MSI2: variants seen among roughly 807,000 people sequenced by gnomAD.
The protein encoded by MSI2 is RNA-binding protein Musashi homolog 2.
Under a neutral mutation model 45.6 loss-of-function variants are expected in MSI2, and 17 were observed. The ratio of observed to expected loss-of-function variants is 0.37; its 90% CI spans 0.26 to 0.56. MSI2 has a LOEUF of 0.56. MSI2 is among the 20% of genes least tolerant of loss of function. MSI2 has a pLI of 0.77. For missense variants in MSI2, 293 were observed against 444.2 expected (o/e 0.66, Z 3.06); for synonymous variants, 156 against 158.2 (o/e 0.99, Z 0.11).
At chr17:57,685,311 C>T (rs1913849742), downstream of MSI2, among the ~76,000 whole-genome samples, 1 of 152,176 alleles carries the variant, frequency 6.6e-6, no homozygotes, top group South Asian at 2.1e-4. Context: ...ATGACGGCTA[C>T]AGCATGCTCT....
At chr17:57,477,432 G>T (rs761179871) in intron 6 of MSI2, among the ~76,000 whole-genome samples, 13 of 152,146 alleles carry the variant, frequency 8.5e-5, no homozygotes, top group Non-Finnish European at 1.5e-4. Context: ...GCCCTGCGCT[G>T]CTCCTGAAAT....
At chr17:57,650,257 C>G (rs931320088) in intron 10 of MSI2, among the ~76,000 whole-genome samples, 3 of 152,060 alleles carry the variant, frequency 2.0e-5, no homozygotes. Context: ...CAAGGAAACC[C>G]GCTGTTTTCA....
intron 5 of MSI2, among the ~76,000 whole-genome samples, chr17:57,353,050 G>A (rs547660322): frequency 2.4e-4 from 37 of 152,252 alleles, no homozygotes; most frequent in Admixed American, 7.2e-4. Context: ...CCACTGTGAC[G>A]CCTTTTATTT....
intron 9 of MSI2, among the ~76,000 whole-genome samples, chr17:57,623,595 T>G (rs7342828): frequency 0.61 from 93,054 of 152,072 alleles, 28,724 homozygotes; most frequent in Non-Finnish European, 0.65. Flanking sequence ...GATTTTTTTT[T>G]ACTTTAGTGA....
intron 6 of MSI2, among the ~76,000 whole-genome samples, chr17:57,426,147 T>A (rs1437035495): frequency 1.3e-5 from 2 of 152,214 alleles, no homozygotes; most frequent in South Asian, 2.1e-4. Context: ...GATTGTCATC[T>A]TGAAACAAAA....
At chr17:57,542,310 T>C (rs1284176767) in intron 7 of MSI2, among the ~76,000 whole-genome samples, 4 of 152,210 alleles carry the variant, frequency 2.6e-5, no homozygotes, top group Non-Finnish European at 5.9e-5. Context: ...TTCCCTTACG[T>C]TCTTCTAGTT....
chr17:57,458,642 T>C (rs1489540881), intron 6 of MSI2, among the ~76,000 whole-genome samples: 1 of 152,184 alleles, frequency 6.6e-6, no homozygotes, highest in Non-Finnish European at 1.5e-5. Context: ...TAATACTCTC[T>C]GTGTTCCATG....
intron 5 of MSI2, among the ~76,000 whole-genome samples, chr17:57,281,337 A>G (rs1262050312): frequency 6.6e-6 from 1 of 152,184 alleles, no homozygotes; most frequent in Non-Finnish European, 1.5e-5. Context: ...TCACCAGCCA[A>G]TTCTGAGCTC....
At chr17:57,562,809 G>A (rs2087612259) in intron 7 of MSI2, among the ~76,000 whole-genome samples, 2 of 151,906 alleles carry the variant, frequency 1.3e-5, no homozygotes, top group African/African-American at 4.8e-5. Flanking sequence ...TTTTAAAAAT[G>A]CGTACAGGCC....
chr17:57,428,749 A>G (rs1398658210), intron 6 of MSI2, among the ~76,000 whole-genome samples: 2 of 152,118 alleles, frequency 1.3e-5, no homozygotes, highest in Non-Finnish European at 2.9e-5. Context: ...CTACTTTACC[A>G]TGAAGCTGAA....
chr17:57,368,522 T>A (rs774447756), intron 5 of MSI2, among the ~76,000 whole-genome samples: 3 of 152,056 alleles, frequency 2.0e-5, no homozygotes, highest in Non-Finnish European at 2.9e-5. Context: ...ACCACTGTGC[T>A]CCCACCTGGG....
At chr17:57,594,756 A>G (rs978364595) in intron 7 of MSI2, among the ~76,000 whole-genome samples, 6 of 152,212 alleles carry the variant, frequency 3.9e-5, no homozygotes, top group Non-Finnish European at 7.3e-5. Flanking sequence ...TGTCTGCTTC[A>G]GGCCTCTGAG....
intron 6 of MSI2, among the ~76,000 whole-genome samples, chr17:57,473,698 G>T (rs1378153980): frequency 6.6e-6 from 1 of 152,152 alleles, no homozygotes; most frequent in African/African-American, 2.4e-5. Flanking sequence ...GGGGCTCTTC[G>T]AGAACAGAGG....
chr17:57,676,922 C>T, intron 12 of MSI2, 65 bp from the exon 13 acceptor site: 1 of 1,067,820 alleles, frequency 9.4e-7, no homozygotes, highest in South Asian at 1.2e-5. Context: ...ATTTCCTTTC[C>T]CAGAATATGA....
At chr17:57,391,031 C>G (rs147291801) in intron 5 of MSI2, among the ~76,000 whole-genome samples, 106 of 152,290 alleles carry the variant, frequency 7.0e-4, no homozygotes, top group African/African-American at 2.4e-3. Flanking sequence ...AACCATTTTC[C>G]CTGGTAGTTG....
In MSI2 at chr17:57,596,611, T is replaced by G. The variant is rs1347178254; in HGVS notation, c.455-257T>G. Among the ~76,000 whole-genome samples, 9 of 152,242 alleles carry G rather than the reference T, an allele frequency of 5.9e-5. No individual in the cohort carries two copies. The highest frequency in any genetic ancestry group is 5.9e-4 in the Admixed American group (9 of 15,288). ...ATAACAGACAAGTAAATTTCTTGTT[T>G]GCTTCGGGGCAAATGTAAACCACAC... On this transcript the variant is annotated intron_variant, in intron 7 of 13. Coordinates refer to ENST00000284073, the MANE Select transcript of MSI2 (RefSeq NM_138962.4). This position sits in a 1 kb window ranked among gnomAD's most constrained non-coding sequence, Gnocchi z 4.6.
At chr17:57,377,199 C>T (rs1036588524) in intron 5 of MSI2, among the ~76,000 whole-genome samples, 9 of 152,194 alleles carry the variant, frequency 5.9e-5, no homozygotes, top group South Asian at 4.1e-4. Flanking sequence ...GGACCACAGG[C>T]GTGAGCCACC....
At chr17:57,516,941 T>C (rs1263834517) in intron 6 of MSI2, among the ~76,000 whole-genome samples, 1 of 152,226 alleles carries the variant, frequency 6.6e-6, no homozygotes, top group Admixed American at 6.5e-5. Context: ...ACTGGACTCA[T>C]ATCCTTTTTA....
At chr17:57,505,884 A>G (rs2086217117) in intron 6 of MSI2, among the ~76,000 whole-genome samples, 2 of 152,212 alleles carry the variant, frequency 1.3e-5, no homozygotes, top group South Asian at 4.1e-4. Flanking sequence ...AACTTTAATG[A>G]GTTTTCCTTT....
Sources: gnomAD v4.1 joint callset for allele counts (sites outside exome capture counted in the v4.1 genomes callset) on GRCh38, gnomAD v4.1.1 for gene constraint, Gnocchi (gnomAD v3.1) non-coding constraint, MANE v1.5 for transcripts, NCBI Gene and HGNC (gene_info 2026-07-23, HGNC 2026-07-21) for gene names.